ELOVL2: variants seen among roughly 807,000 people sequenced by gnomAD.
The protein encoded by ELOVL2 is ELOVL fatty acid elongase 2.
A neutral mutation model predicts 37.7 loss-of-function variants in ELOVL2; 38 were observed. The ratio of observed to expected loss-of-function variants is 1.01; its 90% confidence interval spans 0.78 to 1.32. The LOEUF (loss-of-function observed/expected upper bound fraction) is 1.32. ELOVL2 is among the 40% of genes most tolerant of loss of function. The probability of loss-of-function intolerance (pLI) is 0.00; values close to 1 mark genes in which losing one functional copy is unlikely to be tolerated. For synonymous variants in ELOVL2, 115 were observed against 122.3 expected (o/e 0.94, Z 0.40); for missense variants, 352 against 363.6 (o/e 0.97, Z 0.26).
chr6:11,032,363 T>G, intron 1 of ELOVL2, among the ~76,000 whole-genome samples: 1 of 143,480 alleles, frequency 7.0e-6, no homozygotes, highest in African/African-American at 2.6e-5. Context: ...AAAAAAAAAA[T>G]GTAGAGGAGA....
chr6:11,022,702 T>G (rs1483838267), intron 1 of ELOVL2, among the ~76,000 whole-genome samples: 3 of 152,202 alleles, frequency 2.0e-5, no homozygotes, highest in African/African-American at 7.2e-5. Flanking sequence ...TGAAATAGAT[T>G]TTAAACATTT....
chr6:10,985,410 G>C (rs1278905285), intron 7 of ELOVL2, among the ~76,000 whole-genome samples: 1 of 141,582 alleles, frequency 7.1e-6, no homozygotes, highest in East Asian at 2.2e-4. Flanking sequence ...CATTGCTTTT[G>C]GTGTTTTGGA....
intron 1 of ELOVL2, among the ~76,000 whole-genome samples, chr6:11,040,472 T>C (rs1287226175): frequency 6.6e-6 from 1 of 152,222 alleles, no homozygotes; most frequent in Non-Finnish European, 1.5e-5. Context: ...GAAAAATCTT[T>C]TTCTGCATTG....
intron 1 of ELOVL2, among the ~76,000 whole-genome samples, chr6:11,029,223 C>CAAAAAAAAAAAAAAAAAAAAAA (rs376639413): frequency 2.6e-5 from 2 of 75,804 alleles, no homozygotes; most frequent in African/African-American, 1.0e-4. Flanking sequence ...AGGGAGATCT[C>CAAAAAAAAAAAAAAAAAAAAAA]AAAAAAAAAA....
intron 1 of ELOVL2, among the ~76,000 whole-genome samples, chr6:11,028,294 C>T (rs149854738): frequency 3.2e-4 from 48 of 152,322 alleles, no homozygotes; most frequent in African/African-American, 1.1e-3. Flanking sequence ...CTGTTTCCCT[C>T]ATTTGCTGTG....
intron 1 of ELOVL2, among the ~76,000 whole-genome samples, chr6:11,040,534 T>A (rs28444611): frequency 6.6e-6 from 1 of 152,110 alleles, no homozygotes; most frequent in Non-Finnish European, 1.5e-5. Context: ...TTATTAAAAC[T>A]AATTTCACTT....
chr6:10,985,332 G>A (rs1422369379), intron 7 of ELOVL2, among the ~76,000 whole-genome samples: 10 of 151,826 alleles, frequency 6.6e-5, no homozygotes, highest in African/African-American at 1.7e-4. Context: ...TCTGATGGTC[G>A]TTTCTTTTGC....
At chr6:10,995,884 TTCCTC>T (rs1782259551) in intron 4 of ELOVL2, among the ~76,000 whole-genome samples, 1 of 152,214 alleles carries the variant, frequency 6.6e-6, no homozygotes, top group Non-Finnish European at 1.5e-5. Flanking sequence ...AATTATAACT[TTCCTC>T]TGCTCTTCTA....
chr6:11,034,037 A>ATTTG (rs1456042574), intron 1 of ELOVL2, among the ~76,000 whole-genome samples: 1 of 152,220 alleles, frequency 6.6e-6, no homozygotes, highest in African/African-American at 2.4e-5. Context: ...ATGACTAAAC[A>ATTTG]ATTAGTAAGA....
At chr6:11,008,541 G>A (rs1042515875) in intron 2 of ELOVL2, among the ~76,000 whole-genome samples, 3 of 151,822 alleles carry the variant, frequency 2.0e-5, no homozygotes, top group African/African-American at 7.3e-5. Context: ...GGTCCTGCAT[G>A]CCTAACTAAG....
In ELOVL2 at chr6:10,982,519, C is replaced by T. The variant is rs984325457; in HGVS notation, c.*1262G>A. 6.6e-6 allele frequency: 1 copy of T among 151,968 alleles called. No homozygotes were observed. Among genetic ancestry groups the T allele is most frequent in the African/African-American group, 2.4e-5 (1 of 41,380 alleles). 9.4% of individuals were successfully genotyped at this position (151,968 alleles called of 1,614,324 possible). On this transcript the variant is annotated 3_prime_UTR_variant, in exon 8 of 8. Coordinates refer to ENST00000354666, the MANE Select transcript of ELOVL2 (RefSeq NM_017770.4). ...ATCTTCAGAAAATATTCTTTGTTTC[C>T]ATTCTTGGTAGAGTTTAGTAGTGAG... is the stretch of plus-strand genomic sequence containing the variant.
At chr6:10,988,641 T>C (rs1283205274) in intron 7 of ELOVL2, among the ~76,000 whole-genome samples, 2 of 152,248 alleles carry the variant, frequency 1.3e-5, no homozygotes, top group African/African-American at 4.8e-5. Flanking sequence ...GCACTTCTTA[T>C]TAGTCTGAAA....
intron 1 of ELOVL2, among the ~76,000 whole-genome samples, chr6:11,020,415 T>C (rs1782749225): frequency 6.6e-6 from 1 of 152,216 alleles, no homozygotes; most frequent in Non-Finnish European, 1.5e-5. Flanking sequence ...TAATTGGCAA[T>C]AAGCGTTTGG....
intron 5 of ELOVL2, among the ~76,000 whole-genome samples, chr6:10,991,517 A>G (rs1782157800): frequency 6.6e-6 from 1 of 152,228 alleles, no homozygotes; most frequent in Admixed American, 6.5e-5. Flanking sequence ...AACTGAGATA[A>G]TATATGAATT....
At chr6:11,032,995 T>C (rs1435032604) in intron 1 of ELOVL2, among the ~76,000 whole-genome samples, 1 of 152,190 alleles carries the variant, frequency 6.6e-6, no homozygotes, top group Admixed American at 6.5e-5. Flanking sequence ...AATCAAGCCA[T>C]ACCAGAGACC....
intron 1 of ELOVL2, among the ~76,000 whole-genome samples, chr6:11,018,954 G>T (rs1272424435): frequency 6.6e-6 from 1 of 152,104 alleles, no homozygotes; most frequent in Non-Finnish European, 1.5e-5. Context: ...AAATCTCTGG[G>T]CTACTTGTGT....
intron 1 of ELOVL2, among the ~76,000 whole-genome samples, chr6:11,024,125 T>C (rs769847353): frequency 1.2e-4 from 19 of 152,234 alleles, no homozygotes; most frequent in Non-Finnish European, 2.1e-4. Flanking sequence ...TTATCTATTT[T>C]ACAGATGACG....
At chr6:11,000,206 C>A (rs756126544) in intron 3 of ELOVL2, 42 bp from the exon 4 acceptor site, 1 of 1,570,786 alleles carries the variant, frequency 6.4e-7, no homozygotes, top group Admixed American at 1.7e-5. Context: ...AACATCAGCA[C>A]AAGAATTTGG....
rs35925595 is a variant in ELOVL2 at position 11,005,443 on chromosome 6, G to C, written c.184C>G (p.Leu62Val). The change falls in exon 3 of 8, where the codon CTT becomes GTT. Residue 62 changes from leucine (L) to valine (V), a missense_variant. Physicochemically the swap from Leu to Val is conservative, Grantham distance 32. Transcript: ENST00000354666. ...GNKYMKNRPA[L>V]SLRGILTLYN... ...AAGGTGAGGATACCCCTGAGAGAAAGAGCAGGTCTGTTCTTCATATACTTG... is the reference window on the plus strand; with the variant it reads ...AAGGTGAGGATACCCCTGAGAGAAACAGCAGGTCTGTTCTTCATATACTTG... The C allele has an allele frequency of 3.5e-4, 567 of 1,614,156 alleles. 3 individuals carry two copies. In the African/African-American group the frequency reaches 6.7e-3, roughly 19 times the overall value.
Sources: allele counts gnomAD v4.1 joint callset (sites outside exome capture counted in the v4.1 genomes callset), GRCh38; gene constraint gnomAD v4.1.1; transcripts MANE v1.5; gene names NCBI Gene and HGNC (gene_info 2026-07-23, HGNC 2026-07-21).